TMEM132D: variants seen among roughly 807,000 people sequenced by gnomAD.
TMEM132D encodes mature OL transmembrane protein.
Under a neutral mutation model 62.3 loss-of-function variants are expected in TMEM132D, and 21 were observed. That is an observed-to-expected ratio of 0.34 (90% CI 0.24 to 0.49). TMEM132D has a LOEUF of 0.49. Ranked by LOEUF, TMEM132D falls within the 20% of genes least tolerant of loss-of-function variation. The pLI is 0.99. For missense variants in TMEM132D, 1,346 were observed against 1,402.8 expected, an observed-to-expected ratio of 0.96 and a Z score of 0.65; for synonymous variants, 621 against 575.6, an observed-to-expected ratio of 1.08 and a Z score of -1.13.
chr12:129,657,056 G>T (rs1880104743), intron 2 of TMEM132D, among the ~76,000 whole-genome samples: 1 of 152,194 alleles, frequency 6.6e-6, no homozygotes, highest in African/African-American at 2.4e-5. Flanking sequence ...GTCCAAAAGG[G>T]TATCTCTTTG....
At chr12:129,890,413 C>A (rs1362205827) in intron 1 of TMEM132D, among the ~76,000 whole-genome samples, 1 of 152,164 alleles carries the variant, frequency 6.6e-6, no homozygotes, top group South Asian at 2.1e-4. Flanking sequence ...AGAATAGGAA[C>A]ACACTGTGGC....
intron 3 of TMEM132D, among the ~76,000 whole-genome samples, chr12:129,496,905 G>A (rs1222789487): frequency 6.6e-6 from 1 of 152,174 alleles, no homozygotes; most frequent in Admixed American, 6.6e-5. Flanking sequence ...TGATACCAAT[G>A]GGTAGGCTTG....
chr12:129,385,610 C>A (rs1871087973), intron 3 of TMEM132D, among the ~76,000 whole-genome samples: 1 of 152,172 alleles, frequency 6.6e-6, no homozygotes, highest in African/African-American at 2.4e-5. Flanking sequence ...TTTAAATATG[C>A]AGCAAGAATT....
intron 1 of TMEM132D, among the ~76,000 whole-genome samples, chr12:129,718,927 ATCT>A (rs1868698736): frequency 6.6e-6 from 1 of 152,088 alleles, no homozygotes; most frequent in Non-Finnish European, 1.5e-5. Flanking sequence ...AGAAATGATC[ATCT>A]ATCTTAATAA....
intron 5 of TMEM132D, among the ~76,000 whole-genome samples, chr12:129,189,439 A>G (rs10773606): frequency 0.3 from 46,127 of 151,980 alleles, 7,432 homozygotes; most frequent in East Asian, 0.54. Flanking sequence ...GAGATTAGAC[A>G]ACTTTGTGGG....
intron 3 of TMEM132D, among the ~76,000 whole-genome samples, chr12:129,450,637 C>A (rs946559152): frequency 1.4e-4 from 21 of 152,154 alleles, no homozygotes; most frequent in Admixed American, 6.5e-4. Flanking sequence ...AGCTGTGAAA[C>A]CAGGATTTGC....
chr12:129,899,010 G>A lies in TMEM132D; in HGVS notation c.79+4251C>T, dbSNP rs573000532. Among the ~76,000 whole-genome samples the A allele has an allele frequency of 7.9e-5, 12 of 152,332 alleles. No homozygotes were observed. The South Asian group carries it at 1.5e-3, about 18-fold the overall frequency. ...GCACTAAACATCCCTACCTAAGGAC[G>A]CTTTAGTACCTGTCCTGTGTCCTCA... On this transcript the variant is annotated intron_variant, in intron 1 of 8. Transcript: ENST00000422113.
At chr12:129,365,039 G>A (rs541611003) in intron 3 of TMEM132D, among the ~76,000 whole-genome samples, 7 of 152,282 alleles carry the variant, frequency 4.6e-5, no homozygotes, top group African/African-American at 9.6e-5. Context: ...ATTCAACTGC[G>A]TGCTTAAAGA....
intron 3 of TMEM132D, among the ~76,000 whole-genome samples, chr12:129,426,608 G>A (rs1453365105): frequency 1.3e-5 from 2 of 152,128 alleles, no homozygotes; most frequent in African/African-American, 4.8e-5. Flanking sequence ...TGTCTCAGAT[G>A]GTTAAGACAT....
intron 1 of TMEM132D, 70 bp from the exon 2 acceptor site, chr12:129,700,768 G>A (rs1881368273): frequency 6.7e-7 from 1 of 1,500,540 alleles, no homozygotes; most frequent in South Asian, 1.3e-5. Flanking sequence ...TCAGACATCT[G>A]CGTGCCCCCT....
chr12:129,676,473 T>C (rs957505739), intron 2 of TMEM132D, among the ~76,000 whole-genome samples: 2 of 152,208 alleles, frequency 1.3e-5, no homozygotes, highest in South Asian at 2.1e-4. Context: ...TGGCTCACGG[T>C]TCTGCAGGCT....
At chr12:129,840,919 T>C (rs1451818925) in intron 1 of TMEM132D, among the ~76,000 whole-genome samples, 1 of 152,252 alleles carries the variant, frequency 6.6e-6, no homozygotes, top group Non-Finnish European at 1.5e-5. Context: ...TGCTTAATAA[T>C]TATCACCTAG....
chr12:129,279,991 G>A (rs1881096970), intron 4 of TMEM132D, among the ~76,000 whole-genome samples: 1 of 152,132 alleles, frequency 6.6e-6, no homozygotes, highest in South Asian at 2.1e-4. Context: ...CTGCTTATAA[G>A]GAATGGCAGC....
intron 1 of TMEM132D, among the ~76,000 whole-genome samples, chr12:129,766,164 G>T (rs1330074502): frequency 6.6e-6 from 1 of 151,872 alleles, no homozygotes; most frequent in African/African-American, 2.4e-5. Context: ...CCTACTGACT[G>T]CCAGGACCAG....
In TMEM132D at chr12:129,737,697, T is replaced by C. The variant is rs542646175; in HGVS notation, c.80-36999A>G. The stretch of plus-strand genomic sequence containing the variant: ...CCCTATAAAATTTGAATTTGCAGCA[T>C]CACTCTAAAAGCAAAGGACCTAGAA... On this transcript the variant is annotated intron_variant, in intron 1 of 8. Coordinates refer to ENST00000422113, the MANE Select transcript of TMEM132D (RefSeq NM_133448.3). Among the ~76,000 whole-genome samples the C allele has an allele frequency of 3.9e-5, 6 of 152,344 alleles. No individual in the cohort carries two copies. The South Asian group carries it at 1.2e-3, about 32-fold the overall frequency.
At chr12:129,450,495 T>C (rs73151077) in intron 3 of TMEM132D, among the ~76,000 whole-genome samples, 164 of 152,294 alleles carry the variant, frequency 1.1e-3, no homozygotes, top group Non-Finnish European at 2.1e-3. Flanking sequence ...GATTTCATAG[T>C]CTAATCCCAT....
intron 3 of TMEM132D, among the ~76,000 whole-genome samples, chr12:129,435,792 T>A (rs1872770292): frequency 6.6e-6 from 1 of 152,212 alleles, no homozygotes; most frequent in Admixed American, 6.5e-5. Flanking sequence ...AAAGGGAATG[T>A]CTATATTATT....
intron 4 of TMEM132D, among the ~76,000 whole-genome samples, chr12:129,316,792 G>T (rs1355414451): frequency 2.0e-5 from 3 of 146,988 alleles, no homozygotes; most frequent in Admixed American, 1.3e-4. Flanking sequence ...TCATTTCTTA[G>T]GTCTATTAGT....
At chr12:129,760,519 T>A (rs1870331766) in intron 1 of TMEM132D, among the ~76,000 whole-genome samples, 1 of 149,964 alleles carries the variant, frequency 6.7e-6, no homozygotes, top group Non-Finnish European at 1.5e-5. Flanking sequence ...CCCGGCTGAT[T>A]TTTGTATTTT....
Sources: allele counts gnomAD v4.1 joint callset (sites outside exome capture counted in the v4.1 genomes callset), GRCh38; gene constraint gnomAD v4.1.1; transcripts MANE v1.5; gene names NCBI Gene and HGNC (gene_info 2026-07-23, HGNC 2026-07-21).